Variants in IFT56 observed in about 807,000 individuals in gnomAD.
The protein encoded by IFT56 is intraflagellar transport 56, also known as intraflagellar transport protein 56.
the IFT56 span, among the ~76,000 whole-genome samples, chr7:139,155,525 A>G: frequency 0.25 from 37,677 of 151,978 alleles, 8,436 homozygotes; most frequent in African/African-American, 0.57. Context: ...TGCTTTTTCT[A>G]TTAGCTATGG....
At chr7:139,179,493 C>T in the IFT56 span, 1 of 1,141,612 alleles carries the variant, frequency 8.8e-7, no homozygotes, top group Non-Finnish European at 1.3e-6. Context: ...CAGTGATCAT[C>T]AATCTAAGGC....
the IFT56 span, chr7:139,140,083 C>A: frequency 4.3e-6 from 4 of 937,844 alleles, no homozygotes; most frequent in South Asian, 1.9e-5. Flanking sequence ...AATTGTATTC[C>A]TTTTTCTCTT....
At chr7:139,175,591 C>T in the IFT56 span, among the ~76,000 whole-genome samples, 2 of 152,010 alleles carry the variant, frequency 1.3e-5, no homozygotes, top group African/African-American at 2.4e-5. Context: ...CTGTCATTTC[C>T]AATAACATGT....
chr7:139,135,391 C>A, the IFT56 span, among the ~76,000 whole-genome samples: 1 of 151,558 alleles, frequency 6.6e-6, no homozygotes, highest in Non-Finnish European at 1.5e-5. Context: ...ACCTTTTATA[C>A]AATGTCATTT....
At chr7:139,159,602 A>G in the IFT56 span, among the ~76,000 whole-genome samples, 1 of 152,192 alleles carries the variant, frequency 6.6e-6, no homozygotes. Flanking sequence ...ACCTGGCACA[A>G]TATGGTCTCA....
chr7:139,165,091 A>G, the IFT56 span: 4 of 1,498,938 alleles, frequency 2.7e-6, no homozygotes, highest in Non-Finnish European at 3.7e-6. Flanking sequence ...ATAAATATAT[A>G]CATCATTGTT....
the IFT56 span, among the ~76,000 whole-genome samples, chr7:139,153,297 A>C: frequency 2.0e-5 from 3 of 152,038 alleles, no homozygotes; most frequent in Non-Finnish European, 4.4e-5. Context: ...CTAAAAATAT[A>C]AAAATTAACC....
the IFT56 span, among the ~76,000 whole-genome samples, chr7:139,163,887 G>C: frequency 6.6e-6 from 1 of 152,214 alleles, no homozygotes; most frequent in African/African-American, 2.4e-5. Flanking sequence ...CGAGAGAAGA[G>C]ATTTTGTAGT....
At chr7:139,150,947 T>C in the IFT56 span, among the ~76,000 whole-genome samples, 1 of 152,256 alleles carries the variant, frequency 6.6e-6, no homozygotes, top group Non-Finnish European at 1.5e-5. Context: ...ATTCTGCTTA[T>C]TATTTGTCAG....
the IFT56 span, among the ~76,000 whole-genome samples, chr7:139,157,204 T>A: frequency 7.3e-6 from 1 of 136,324 alleles, no homozygotes; most frequent in Admixed American, 8.6e-5. Flanking sequence ...TGGAGTGCAG[T>A]GGCGTGATCT....
the IFT56 span, among the ~76,000 whole-genome samples, chr7:139,163,499 T>A: frequency 6.6e-6 from 1 of 151,958 alleles, no homozygotes; most frequent in Non-Finnish European, 1.5e-5. Context: ...TAAGAGTGAG[T>A]TTATTCGTAT....
At chr7:139,160,872 TA>T in the IFT56 span, 1 of 1,069,538 alleles carries the variant, frequency 9.3e-7, no homozygotes, top group Non-Finnish European at 1.4e-6. Flanking sequence ...TTGTAAATTA[TA>T]AACCATTGTG....
At chr7:139,153,370 G>T in the IFT56 span, among the ~76,000 whole-genome samples, 1 of 151,274 alleles carries the variant, frequency 6.6e-6, no homozygotes, top group Admixed American at 6.6e-5. Flanking sequence ...AGAATCACTT[G>T]AATCTGGGAG....
the IFT56 span, among the ~76,000 whole-genome samples, chr7:139,156,319 GT>G: frequency 6.6e-6 from 1 of 150,600 alleles, no homozygotes; most frequent in Non-Finnish European, 1.5e-5. Flanking sequence ...CCATTCTCTT[GT>G]CTGTTTAATT....
the IFT56 span, among the ~76,000 whole-genome samples, chr7:139,185,616 G>C: frequency 2.6e-5 from 4 of 151,986 alleles, no homozygotes; most frequent in Non-Finnish European, 5.9e-5. Flanking sequence ...ATACTTAAGA[G>C]AGAACATAAA....
At chr7:139,160,296 G>A in the IFT56 span, among the ~76,000 whole-genome samples, 1 of 152,144 alleles carries the variant, frequency 6.6e-6, no homozygotes, top group African/African-American at 2.4e-5. Context: ...TCAGATTAAA[G>A]AATCAACCTT....
the IFT56 span, among the ~76,000 whole-genome samples, chr7:139,171,931 A>G: frequency 6.6e-6 from 1 of 152,194 alleles, no homozygotes; most frequent in African/African-American, 2.4e-5. Context: ...AAGAAACACA[A>G]TGCTTTCTTT....
At chr7:139,180,878 G>T in the IFT56 span, among the ~76,000 whole-genome samples, 1 of 152,218 alleles carries the variant, frequency 6.6e-6, no homozygotes, top group East Asian at 1.9e-4. Flanking sequence ...CCATCTGAAA[G>T]ACATAATTAT....
At chr7:139,160,029 T>TAAAAGAG in the IFT56 span, among the ~76,000 whole-genome samples, 1 of 152,318 alleles carries the variant, frequency 6.6e-6, no homozygotes, top group Non-Finnish European at 1.5e-5. Context: ...AAAAGGGATC[T>TAAAAGAG]TGAGACCAAA....
Sources: gnomAD v4.1 joint callset for allele counts (sites outside exome capture counted in the v4.1 genomes callset) on GRCh38, gnomAD v4.1.1 for gene constraint, MANE v1.5 for transcripts, NCBI Gene and HGNC (gene_info 2026-07-23, HGNC 2026-07-21) for gene names.